Variants in ZPBP observed in about 807,000 individuals in gnomAD.
ZPBP encodes the protein zona pellucida binding protein.
A neutral mutation model predicts 44.8 loss-of-function variants in ZPBP; 26 were observed. The ratio of observed to expected loss-of-function variants is 0.58; its 90% CI spans 0.43 to 0.81. The LOEUF (loss-of-function observed/expected upper bound fraction) is 0.81. Among genes scored for constraint, ZPBP ranks in the 30% least tolerant of loss-of-function variants. The pLI, the probability that ZPBP is intolerant of heterozygous loss-of-function variation, is 0.00. For synonymous variants in ZPBP, 174 were observed against 153.2 expected, an observed-to-expected ratio of 1.14 and a Z score of -1.00; for missense variants, 409 against 434.0, an observed-to-expected ratio of 0.94 and a Z score of 0.51.
At chr7:50,061,843 G>C (rs890372736) in intron 3 of ZPBP, among the ~76,000 whole-genome samples, 11 of 152,204 alleles carry the variant, frequency 7.2e-5, no homozygotes, top group Non-Finnish European at 1.3e-4. Context: ...GCAGTGAGCA[G>C]AGATCACACC....
chr7:50,082,630 A>T (rs1802424552), intron 2 of ZPBP, among the ~76,000 whole-genome samples: 1 of 151,822 alleles, frequency 6.6e-6, no homozygotes, highest in Admixed American at 6.6e-5. Context: ...AAATAAAGAG[A>T]ATCAAAATTC....
intron 7 of ZPBP, among the ~76,000 whole-genome samples, chr7:49,981,705 A>AT (rs1796982477): frequency 1.2e-5 from 1 of 86,650 alleles, no homozygotes; most frequent in Non-Finnish European, 2.0e-5. Flanking sequence ...AATTATATAT[A>AT]ATATATTATA....
chr7:49,890,493 A>G (rs1792081570), intron 2 of ZPBP, among the ~76,000 whole-genome samples: 1 of 152,186 alleles, frequency 6.6e-6, no homozygotes, highest in Non-Finnish European at 1.5e-5. Flanking sequence ...TAGCATCCCT[A>G]CTGAACTATA....
At chr7:49,867,308 A>G (rs149548889) in intron 2 of ZPBP, among the ~76,000 whole-genome samples, 51 of 152,356 alleles carry the variant, frequency 3.3e-4, no homozygotes, top group African/African-American at 1.1e-3. Context: ...AGATTGCCAG[A>G]AAAGAAGAAG....
chr7:49,983,339 T>C lies in ZPBP; in HGVS notation c.961+3A>G. ...AAACATGAAATCATAATTCATTACATACCACAGCACTCAGGACATTTTGGA... is the reference window on the plus strand; with the variant it reads ...AAACATGAAATCATAATTCATTACACACCACAGCACTCAGGACATTTTGGA... On this transcript the variant is annotated splice_donor_region_variant and intron_variant, in intron 7 of 7. Coordinates refer to ENST00000046087, the MANE Select transcript of ZPBP (RefSeq NM_007009.3). 2.5e-6 allele frequency: 4 copies of C among 1,613,080 alleles called. No homozygotes were observed. Among genetic ancestry groups the C allele is most frequent in the Non-Finnish European group, 3.4e-6 (4 of 1,179,404 alleles).
At chr7:49,907,907 G>A (rs968971164) in intron 1 of ZPBP, among the ~76,000 whole-genome samples, 3 of 152,046 alleles carry the variant, frequency 2.0e-5, no homozygotes, top group Non-Finnish European at 2.9e-5. Flanking sequence ...CCAGTAGCAC[G>A]CTTCAGAGCT....
chr7:49,982,997 A>AT (rs1797098107), intron 7 of ZPBP, among the ~76,000 whole-genome samples: 2 of 152,170 alleles, frequency 1.3e-5, no homozygotes, highest in South Asian at 4.1e-4. Context: ...ACTGTAGACT[A>AT]TACAAACCTA....
chr7:49,892,212 T>C (rs534285312), intron 2 of ZPBP, among the ~76,000 whole-genome samples: 1 of 150,616 alleles, frequency 6.6e-6, no homozygotes, highest in Non-Finnish European at 1.5e-5. Flanking sequence ...GCCCGGCTAA[T>C]TTTTTTTGTA....
intron 4 of ZPBP, among the ~76,000 whole-genome samples, chr7:50,057,590 C>G (rs1239801468): frequency 6.6e-6 from 1 of 152,150 alleles, no homozygotes; most frequent in Admixed American, 6.5e-5. Context: ...GGTCAATCCA[C>G]CAGAAAAGGA....
chr7:50,085,139 A>G (rs1802571507), intron 2 of ZPBP, among the ~76,000 whole-genome samples: 1 of 152,118 alleles, frequency 6.6e-6, no homozygotes, highest in African/African-American at 2.4e-5. Flanking sequence ...TCCTTATAAA[A>G]AGGGGAAATT....
chr7:49,876,183 T>G (rs76558472), intron 2 of ZPBP, among the ~76,000 whole-genome samples: 4,561 of 152,244 alleles, frequency 0.03, 191 homozygotes, highest in South Asian at 0.13. Context: ...TGGTAACCTT[T>G]AAGAGACACA....
intron 2 of ZPBP, among the ~76,000 whole-genome samples, chr7:50,084,847 T>C (rs909839980): frequency 2.6e-5 from 4 of 152,042 alleles, no homozygotes; most frequent in Admixed American, 6.6e-5. Context: ...AAAAATTACC[T>C]CCTTCATAAA....
At chr7:49,949,286 T>C (rs1286525064) in intron 7 of ZPBP, among the ~76,000 whole-genome samples, 1 of 152,154 alleles carries the variant, frequency 6.6e-6, no homozygotes, top group Non-Finnish European at 1.5e-5. Flanking sequence ...CCTAATATAG[T>C]ATATATCTAA....
At chr7:50,012,037 G>GA (rs1176997476) in intron 6 of ZPBP, among the ~76,000 whole-genome samples, 2,735 of 86,414 alleles carry the variant, frequency 0.032, 92 homozygotes, top group African/African-American at 0.1. Context: ...TCTCAAAAAA[G>GA]AAAAAAAAAA....
rs200287375 is a variant in ZPBP at position 49,948,492 on chromosome 7, AT to A, written c.962-10871del. 1.9e-3 allele frequency among the ~76,000 whole-genome samples: 292 copies of A among 151,090 alleles called. 3 individuals carry two copies. The highest frequency in any genetic ancestry group is 0.012 in the East Asian group (60 of 5,152). On this transcript the variant is annotated intron_variant, in intron 7 of 7. Transcript: ENST00000046087. ...ATCACATGTCTGATAAGTGGTTAAC[AT>A]TTTTTTTTTGAATTTTAAACTCCTA...
intron 7 of ZPBP, among the ~76,000 whole-genome samples, chr7:49,941,416 G>A (rs891576399): frequency 6.6e-6 from 1 of 152,010 alleles, no homozygotes; most frequent in African/African-American, 2.4e-5. Context: ...CTGAGAGATG[G>A]GAAAAGTGTT....
intron 3 of ZPBP, among the ~76,000 whole-genome samples, chr7:50,072,817 A>G (rs1801913870): frequency 6.6e-6 from 1 of 152,240 alleles, no homozygotes; most frequent in South Asian, 2.1e-4. Flanking sequence ...TTACATCATA[A>G]CATCCAAGTC....
At chr7:49,915,976 G>A (rs1340186116) in intron 1 of ZPBP, 1 of 152,020 alleles carries the variant, frequency 6.6e-6, no homozygotes, top group Non-Finnish European at 1.5e-5. Flanking sequence ...TAACTATTCT[G>A]AAGAATCAGA....
intron 1 of ZPBP, among the ~76,000 whole-genome samples, chr7:49,906,663 T>G (rs1276429414): frequency 6.6e-6 from 1 of 152,190 alleles, no homozygotes; most frequent in Non-Finnish European, 1.5e-5. Flanking sequence ...TAAATCATAC[T>G]ATCATAAAAT....
Sources: gnomAD v4.1 joint callset for allele counts (sites outside exome capture counted in the v4.1 genomes callset) on GRCh38, gnomAD v4.1.1 for gene constraint, MANE v1.5 for transcripts, NCBI Gene and HGNC (gene_info 2026-07-23, HGNC 2026-07-21) for gene names.